Variants in TACR3 observed in about 807,000 individuals in gnomAD.
TACR3 encodes the protein neuromedin-K receptor.
In TACR3, 34 loss-of-function variants were observed where a neutral mutation model predicts 35.0. The ratio of observed to expected loss-of-function variants is 0.97; its 90% CI spans 0.74 to 1.30. The LOEUF is 1.30. Among genes scored for constraint, TACR3 ranks in the 50% most tolerant of loss-of-function variants. TACR3 has a pLI of 0.00. For synonymous variants in TACR3, 233 were observed against 221.1 expected, an observed-to-expected ratio of 1.05 and a Z score of -0.48; for missense variants, 558 against 591.7, an observed-to-expected ratio of 0.94 and a Z score of 0.59.
At chr4:103,658,056 C>G (rs1415455100) in intron 2 of TACR3, among the ~76,000 whole-genome samples, 159 bp downstream of exon 2, 1 of 152,164 alleles carries the variant, frequency 6.6e-6, no homozygotes. Flanking sequence ...TGACCACACA[C>G]AAATCATACC....
intron 3 of TACR3, among the ~76,000 whole-genome samples, chr4:103,602,984 A>T (rs1380989989): frequency 1.3e-5 from 2 of 152,242 alleles, no homozygotes; most frequent in Non-Finnish European, 2.9e-5. Flanking sequence ...CCCTACACCA[A>T]GAGGTGGAGC....
intron 4 of TACR3, 24 bp from the exon 5 acceptor site, chr4:103,590,018 A>G: frequency 6.2e-7 from 1 of 1,608,338 alleles, no homozygotes; most frequent in Non-Finnish European, 8.5e-7. Context: ...GGCCACAGAA[A>G]GAAAAAGTTA....
At chr4:103,703,977 G>C (rs1160460270) in intron 1 of TACR3, among the ~76,000 whole-genome samples, 1 of 151,614 alleles carries the variant, frequency 6.6e-6, no homozygotes, top group Non-Finnish European at 1.5e-5. Flanking sequence ...GGTAGCAGGC[G>C]CCTCTAGTCC....
intron 3 of TACR3, among the ~76,000 whole-genome samples, chr4:103,644,810 CAA>C (rs1387785938): frequency 6.6e-6 from 1 of 150,550 alleles, no homozygotes; most frequent in African/African-American, 2.5e-5. Flanking sequence ...ATATGAATAA[CAA>C]TATTATTATG....
intron 1 of TACR3, among the ~76,000 whole-genome samples, chr4:103,707,408 GT>G (rs770061553): frequency 1.3e-5 from 2 of 151,962 alleles, no homozygotes; most frequent in Non-Finnish European, 2.9e-5. Context: ...ACCTGGTCTT[GT>G]TTTATATTGA....
chr4:103,683,470 C>CAAAAAAAAAAAAAA (rs57761679), intron 1 of TACR3, among the ~76,000 whole-genome samples: 17 of 21,144 alleles, frequency 8.0e-4, no homozygotes, highest in East Asian at 3.5e-3. Context: ...AAAGACTGAC[C>CAAAAAAAAAAAAAA]AAAAAAAAAA....
At chr4:103,668,698 A>C (rs1366358900) in intron 1 of TACR3, among the ~76,000 whole-genome samples, 1 of 151,898 alleles carries the variant, frequency 6.6e-6, no homozygotes, top group Non-Finnish European at 1.5e-5. Flanking sequence ...AAATACAAAA[A>C]ATTAGCCAGT....
At chr4:103,647,581 T>G (rs1163185130) in intron 3 of TACR3, among the ~76,000 whole-genome samples, 1 of 151,900 alleles carries the variant, frequency 6.6e-6, no homozygotes, top group Non-Finnish European at 1.5e-5. Context: ...TTGAAAAAAA[T>G]GAACTAAACT....
intron 1 of TACR3, among the ~76,000 whole-genome samples, chr4:103,661,845 T>C (rs1266580739): frequency 6.6e-6 from 1 of 152,160 alleles, no homozygotes; most frequent in East Asian, 1.9e-4. Flanking sequence ...ATTTATTCAA[T>C]AAAACATTTA....
At chr4:103,618,642 G>A (rs1308621380) in intron 3 of TACR3, among the ~76,000 whole-genome samples, 1 of 139,384 alleles carries the variant, frequency 7.2e-6, no homozygotes, top group Non-Finnish European at 1.5e-5. Context: ...GGAATGACAG[G>A]TAGTTTGATA....
At chr4:103,684,811 T>G (rs1722190845) in intron 1 of TACR3, among the ~76,000 whole-genome samples, 1 of 151,886 alleles carries the variant, frequency 6.6e-6, no homozygotes, top group African/African-American at 2.4e-5. Context: ...AAGACCAGCC[T>G]GGCCAACATA....
At chr4:103,642,225 T>TAA (rs1426804844) in intron 3 of TACR3, among the ~76,000 whole-genome samples, 3 of 150,810 alleles carry the variant, frequency 2.0e-5, no homozygotes, top group South Asian at 2.1e-4. Flanking sequence ...TATATATATA[T>TAA]AATCACATTG....
chr4:103,628,651 T>C (rs911671970), intron 3 of TACR3, among the ~76,000 whole-genome samples: 17 of 152,158 alleles, frequency 1.1e-4, no homozygotes, highest in African/African-American at 4.1e-4. Context: ...ATTGAGGCAA[T>C]AATTAATAGC....
chr4:103,652,074 A>T lies in TACR3; in HGVS notation c.888+4120T>A, dbSNP rs556862630. Among the ~76,000 whole-genome samples the T allele has an allele frequency of 2.2e-4, 34 of 151,868 alleles. No individual in the cohort carries two copies. The South Asian group carries it at 4.4e-3, about 20-fold the overall frequency. The stretch of plus-strand genomic sequence containing the variant: ...GGGATTGTGGGGAGGTGGTACATGC[A>T]CCCCCTTAGTCAGCCCCACTGATGT... On this transcript the variant is annotated intron_variant, in intron 3 of 4. Coordinates refer to ENST00000304883, the MANE Select transcript of TACR3 (RefSeq NM_001059.3).
At chr4:103,622,384 G>C (rs1380982592) in intron 3 of TACR3, among the ~76,000 whole-genome samples, 3 of 152,218 alleles carry the variant, frequency 2.0e-5, no homozygotes, top group Non-Finnish European at 4.4e-5. Flanking sequence ...TGAGAAGGAA[G>C]TGCCAAGGAT....
intron 3 of TACR3, among the ~76,000 whole-genome samples, chr4:103,602,660 AC>A (rs2110291804): frequency 6.6e-6 from 1 of 152,226 alleles, no homozygotes; most frequent in Admixed American, 6.5e-5. Flanking sequence ...TCCACTGCAG[AC>A]CCTGTTTGCC....
Position 103,704,105 on chromosome 4 carries a change from CAAAAAAAAA to C in TACR3, c.548+15014_548+15022del, listed in dbSNP as rs59034473. 1.2e-4 allele frequency among the ~76,000 whole-genome samples: 8 copies of C among 64,632 alleles called. No homozygotes were observed. The East Asian group carries it at 2.2e-3, about 18-fold the overall frequency. 42.4% of individuals were successfully genotyped at this position (64,632 alleles called of 152,430 possible). A position where few individuals can be genotyped will look rare whatever the true frequency, so the allele number is the denominator to read the frequency against. On this transcript the variant is annotated intron_variant, in intron 1 of 4. Transcript: ENST00000304883. Reference sequence around the variant, plus strand: ...GGCAACAGAGTGAAACTCTATCTCACAAAAAAAAAAAAAAAAAAAAAAAAAAAAAGAAAG... The same window carrying C: ...GGCAACAGAGTGAAACTCTATCTCACAAAAAAAAAAAAAAAAAAAAGAAAG...
At chr4:103,618,148 G>A (rs1194106020) in intron 3 of TACR3, among the ~76,000 whole-genome samples, 2 of 152,080 alleles carry the variant, frequency 1.3e-5, no homozygotes, top group Non-Finnish European at 2.9e-5. Context: ...TAAATTCTTT[G>A]CCAAGGTCGA....
intron 3 of TACR3, among the ~76,000 whole-genome samples, chr4:103,602,046 T>C (rs1221949574): frequency 6.6e-6 from 1 of 152,232 alleles, no homozygotes; most frequent in Non-Finnish European, 1.5e-5. Flanking sequence ...ATTTGGTCTT[T>C]TCACATAGTC....
Sources: gnomAD v4.1 joint callset for allele counts (sites outside exome capture counted in the v4.1 genomes callset) on GRCh38, gnomAD v4.1.1 for gene constraint, MANE v1.5 for transcripts, NCBI Gene and HGNC (gene_info 2026-07-23, HGNC 2026-07-21) for gene names.